GABPB1: variants seen among roughly 807,000 people sequenced by gnomAD.
GABPB1 encodes GA-binding protein subunit beta-1.
GABPB1 carries 15 observed loss-of-function variants against 45.9 expected under a neutral mutation model. That is an observed-to-expected ratio of 0.33 (90% CI 0.22 to 0.50). GABPB1 has a LOEUF of 0.50. Ranked by LOEUF, GABPB1 falls within the 20% of genes least tolerant of loss-of-function variation. The pLI, the probability that GABPB1 is intolerant of heterozygous loss-of-function variation, is 0.98. For missense variants in GABPB1, 252 were observed against 457.5 expected (o/e 0.55, Z 4.10); for synonymous variants, 143 against 154.4 (o/e 0.93, Z 0.55).
At chr15:50,282,884 G>A (rs1417642377) in intron 8 of GABPB1, among the ~76,000 whole-genome samples, 6 of 151,968 alleles carry the variant, frequency 3.9e-5, no homozygotes, top group Non-Finnish European at 7.4e-5. Flanking sequence ...GTAAAACCCC[G>A]TCTCTACCAA....
chr15:50,315,235 G>A lies in GABPB1; in HGVS notation c.1-5437C>T, dbSNP rs182545426. Among the ~76,000 whole-genome samples the A allele has an allele frequency of 1.2e-3, 184 of 152,180 alleles. 3 individuals are homozygous for A. Among genetic ancestry groups the A allele is most frequent in the Admixed American group, 8.2e-3 (126 of 15,274 alleles). On this transcript the variant is annotated intron_variant, in intron 1 of 8. Transcript: ENST00000380877. ...CAGCCTCGACCTCCCAGGCTCAACC[G>A]ATCCTCCCGCCTCAGTCTCCCGAGT... is the stretch of plus-strand genomic sequence containing the variant.
chr15:50,282,220 C>G (rs2045998724), intron 8 of GABPB1: 1 of 438,364 alleles, frequency 2.3e-6, no homozygotes, highest in Non-Finnish European at 4.5e-6. Context: ...TAAATAAATA[C>G]AAACATACAT....
At chr15:50,329,452 C>T (rs1261821652) in intron 1 of GABPB1, among the ~76,000 whole-genome samples, 2 of 152,114 alleles carry the variant, frequency 1.3e-5, no homozygotes, top group African/African-American at 4.8e-5. Flanking sequence ...TCCTACAATA[C>T]ATATCATATG....
chr15:50,280,739 C>G (rs1284022839), intron 8 of GABPB1, among the ~76,000 whole-genome samples: 1 of 144,838 alleles, frequency 6.9e-6, no homozygotes, highest in African/African-American at 2.6e-5. Flanking sequence ...GACCTTGTCT[C>G]AAAAGAAAAA....
intron 1 of GABPB1, among the ~76,000 whole-genome samples, chr15:50,322,195 A>G (rs2047595949): frequency 6.6e-6 from 1 of 152,108 alleles, no homozygotes; most frequent in Admixed American, 6.6e-5. Context: ...ACCACCCTCA[A>G]TGACAGTAGA....
At chr15:50,320,488 G>A (rs916458142) in intron 1 of GABPB1, among the ~76,000 whole-genome samples, 8 of 152,150 alleles carry the variant, frequency 5.3e-5, no homozygotes, top group Admixed American at 1.3e-4. Flanking sequence ...TTTTTTCAGT[G>A]AAATCTTCCT....
rs1200368281 is a variant in GABPB1, at chr15:50,285,989, T to C, written c.999+79A>G. ...TTCTGTATCAAAACAATACTGTCAGTAATAAATATAAAAGACAAAAAAAAT... is the reference window on the plus strand; with the variant it reads ...TTCTGTATCAAAACAATACTGTCAGCAATAAATATAAAAGACAAAAAAAAT... On this transcript the variant is annotated intron_variant, in intron 8 of 8. Transcript: ENST00000380877. The C allele has an allele frequency of 1.9e-6, 3 of 1,564,928 alleles. No homozygotes were observed. The South Asian group carries it at 3.6e-5, about 19-fold the overall frequency.
rs28415244 is a variant in GABPB1, at chr15:50,295,446, C to T, written c.697+5343G>A. On this transcript the variant is annotated intron_variant, in intron 6 of 8. Coordinates refer to ENST00000380877, the MANE Select transcript of GABPB1 (RefSeq NM_016654.5). ...TTCCCCAAACTTTTCCCTACTAACG[C>T]CTACTTTAATTTTCAGTTTAAATGT... 2.4e-3 allele frequency among the ~76,000 whole-genome samples: 358 copies of T among 152,224 alleles called. 1 individual carries two copies. Among genetic ancestry groups the T allele is most frequent in the African/African-American group, 8.2e-3 (339 of 41,532 alleles).
intron 1 of GABPB1, among the ~76,000 whole-genome samples, chr15:50,329,708 T>A (rs1270905668): frequency 6.6e-6 from 1 of 152,190 alleles, no homozygotes; most frequent in Non-Finnish European, 1.5e-5. Flanking sequence ...TGTATTTACA[T>A]AATTCAAAAG....
chr15:50,338,405 T>C (rs2048223408), intron 1 of GABPB1, among the ~76,000 whole-genome samples: 1 of 152,172 alleles, frequency 6.6e-6, no homozygotes, highest in African/African-American at 2.4e-5. Context: ...TAAACTTCTT[T>C]GTCTTATATA....
rs772249858 is a variant in GABPB1 at position 50,289,560 on chromosome 15, T to G, written c.806A>C (p.Gln269Pro). 18 of 1,613,832 alleles carry G rather than the reference T, an allele frequency of 1.1e-5. No individual in the cohort carries two copies. The highest frequency in any genetic ancestry group is 4.2e-6 in the Non-Finnish European group (5 of 1,179,938). Residue 269 changes from glutamine (Q) to proline (P), a missense_variant, in exon 7 of 9, where the codon CAG becomes CCG. By Grantham distance (76) the Gln-to-Pro change is moderately conservative. Around this residue, in one of 4 missense-constraint regions of GABPB1, gnomAD observed 193 missense variants for 259.9 expected, o/e 0.74. Transcript: ENST00000380877. Reference protein sequence around the residue: ...QVITIVTDGIQLGNLHSIPTS... With the variant: ...QVITIVTDGIPLGNLHSIPTS... ...TGGAATAGAGTGCAAATTTCCAAGCTGAATTCCATCTGTAACTATTGTGAT... is the reference window on the plus strand; with the variant it reads ...TGGAATAGAGTGCAAATTTCCAAGCGGAATTCCATCTGTAACTATTGTGAT...
Position 50,289,576 on chromosome 15 carries a change from C to A in GABPB1, c.790G>T (p.Val264Phe). The change falls in exon 7 of 9, where the codon GTT (valine) becomes TTT (phenylalanine). Residue 264 changes from valine to phenylalanine, a missense_variant. By Grantham distance (50) the Val-to-Phe change is conservative. This residue lies in a region of GABPB1 where 193 missense variants were observed against 259.9 expected (regional missense o/e 0.74). Transcript: ENST00000380877. The stretch of plus-strand genomic sequence containing the variant: ...TTTCCAAGCTGAATTCCATCTGTAA[C>A]TATTGTGATGACTTGCTGACCCCCT... ...SSGGQQVITI[V>F]TDGIQLGNLH... is the part of the protein sequence containing the mutation. The A allele has an allele frequency of 1.2e-6, 2 of 1,613,620 alleles. No individual in the cohort carries two copies. The highest frequency in any genetic ancestry group is 2.2e-5 in the South Asian group (2 of 91,066).
intron 4 of GABPB1, among the ~76,000 whole-genome samples, chr15:50,301,664 G>A (rs1414576978): frequency 6.6e-6 from 1 of 152,048 alleles, no homozygotes; most frequent in Non-Finnish European, 1.5e-5. Flanking sequence ...GAGGTGGCAG[G>A]TGCCTGTAAT....
Position 50,315,817 on chromosome 15 carries a change from G to T in GABPB1, c.1-6019C>A, listed in dbSNP as rs568734840. Among the ~76,000 whole-genome samples the T allele has an allele frequency of 1.4e-3, 211 of 152,322 alleles. 3 individuals are homozygous for T. The highest frequency in any genetic ancestry group is 4.9e-3 in the African/African-American group (205 of 41,560). Reference sequence around the variant, plus strand: ...TGGACGGGTGCAGTGACTCAAGCCTGTAATCCTAGCACTTTGGGAGGCCGA... The same window carrying T: ...TGGACGGGTGCAGTGACTCAAGCCTTTAATCCTAGCACTTTGGGAGGCCGA... On this transcript the variant is annotated intron_variant, in intron 1 of 8. Transcript: ENST00000380877.
chr15:50,340,265 T>C (rs1457893232), intron 1 of GABPB1, among the ~76,000 whole-genome samples: 3 of 152,190 alleles, frequency 2.0e-5, no homozygotes, highest in Non-Finnish European at 4.4e-5. Context: ...TAAATTTCTA[T>C]TGTTTATAAG....
At chr15:50,278,890 A>G in intron 8 of GABPB1, 106 bp from the exon 9 acceptor site, 1 of 824,554 alleles carries the variant, frequency 1.2e-6, no homozygotes. Flanking sequence ...AGTAGCTAAA[A>G]GCAGCCACCT....
chr15:50,320,061 C>T (rs974724432), intron 1 of GABPB1, among the ~76,000 whole-genome samples: 1 of 151,978 alleles, frequency 6.6e-6, no homozygotes, highest in Non-Finnish European at 1.5e-5. Flanking sequence ...AGGGGTCAGG[C>T]GGGTGGGCAA....
At chr15:50,296,073 C>T (rs560592036) in intron 6 of GABPB1, among the ~76,000 whole-genome samples, 2 of 152,154 alleles carry the variant, frequency 1.3e-5, no homozygotes, top group Admixed American at 1.3e-4. Context: ...GCCATAATTC[C>T]TGAGTGAAAT....
At chr15:50,292,846 ATGTG>A (rs3985830) in intron 6 of GABPB1, among the ~76,000 whole-genome samples, 3,084 of 149,802 alleles carry the variant, frequency 0.021, 102 homozygotes, top group African/African-American at 0.072. Flanking sequence ...AAGTGTGTAT[ATGTG>A]TGTGTGTGTG....
Sources: allele counts gnomAD v4.1 joint callset (sites outside exome capture counted in the v4.1 genomes callset), GRCh38; gene constraint gnomAD v4.1.1; regional missense constraint gnomAD v4.1.1; transcripts MANE v1.5; gene names NCBI Gene and HGNC (gene_info 2026-07-23, HGNC 2026-07-21).